The following NECAB1 variants were observed in gnomAD, a reference collection of about 807,000 sequenced individuals.
NECAB1 encodes N-terminal EF-hand calcium binding protein 1.
Under a neutral mutation model 57.5 loss-of-function variants are expected in NECAB1, and 29 were observed. That is an observed-to-expected ratio of 0.50 (90% CI 0.38 to 0.69). NECAB1 has a LOEUF of 0.69. NECAB1 is among the 30% of genes least tolerant of loss of function. The pLI, the probability that NECAB1 is intolerant of heterozygous loss-of-function variation, is 0.00. For synonymous variants in NECAB1, 142 were observed against 147.7 expected (o/e 0.96, Z 0.28); for missense variants, 372 against 413.8 (o/e 0.90, Z 0.88).
intron 5 of NECAB1, among the ~76,000 whole-genome samples, chr8:90,883,463 T>G (rs1319677749): frequency 6.6e-6 from 1 of 152,162 alleles, no homozygotes; most frequent in Non-Finnish European, 1.5e-5. Context: ...CCTGTCTCAG[T>G]AGGAAGATCT....
intron 2 of NECAB1, among the ~76,000 whole-genome samples, chr8:90,806,135 G>C (rs1811842977): frequency 6.6e-6 from 1 of 152,218 alleles, no homozygotes; most frequent in Admixed American, 6.5e-5. Context: ...GATTCCTCTT[G>C]TTGATTTGCA....
At chr8:90,905,738 C>T (rs531690936) in intron 5 of NECAB1, among the ~76,000 whole-genome samples, 11 of 152,188 alleles carry the variant, frequency 7.2e-5, no homozygotes, top group African/African-American at 2.4e-4. Flanking sequence ...CTTAGAACTC[C>T]TTATATGTAA....
At chr8:90,819,054 TTTCA>T (rs1291030879) in intron 2 of NECAB1, among the ~76,000 whole-genome samples, 2 of 151,940 alleles carry the variant, frequency 1.3e-5, no homozygotes, top group Non-Finnish European at 2.9e-5. Flanking sequence ...CCTCAAGTTC[TTTCA>T]TTCTTTCTTC....
At chr8:90,945,356 G>A (rs984997554) in intron 10 of NECAB1, among the ~76,000 whole-genome samples, 9 of 152,102 alleles carry the variant, frequency 5.9e-5, no homozygotes, top group East Asian at 1.9e-4. Flanking sequence ...ATGAGCTACC[G>A]TGCCGGGCCA....
At position 90,791,842 on chromosome 8, in the gene NECAB1, G is replaced by C; in HGVS notation, c.-45G>C. ...GCCGCGCCCTTGCCAGAGCCGGTGC[G>C]TCCGCCTAGCCCCGCTCCGCCTGAG... On this transcript the variant is annotated 5_prime_UTR_variant, in exon 1 of 13. Coordinates refer to ENST00000417640, the MANE Select transcript of NECAB1 (RefSeq NM_022351.5). The C allele has an allele frequency of 1.3e-6, 2 of 1,485,998 alleles. No individual in the cohort carries two copies. Among genetic ancestry groups the C allele is most frequent in the Admixed American group, 3.9e-5 (2 of 50,638 alleles). 92.1% of individuals were successfully genotyped at this position (1,485,998 alleles called of 1,614,324 possible).
At chr8:90,860,065 T>TG (rs1812868586) in intron 3 of NECAB1, among the ~76,000 whole-genome samples, 2 of 152,176 alleles carry the variant, frequency 1.3e-5, no homozygotes, top group Non-Finnish European at 2.9e-5. Flanking sequence ...AATCTGACTT[T>TG]GAAAATTTCA....
chr8:90,809,264 G>C (rs911248290), intron 2 of NECAB1, among the ~76,000 whole-genome samples: 6 of 152,152 alleles, frequency 3.9e-5, no homozygotes, highest in African/African-American at 7.2e-5. Flanking sequence ...AGTTTCAGAG[G>C]CTTCCACAAC....
intron 5 of NECAB1, among the ~76,000 whole-genome samples, chr8:90,899,868 AG>A (rs973688739): frequency 1.3e-5 from 2 of 152,316 alleles, no homozygotes; most frequent in Admixed American, 1.3e-4. Flanking sequence ...GAAACAGAAT[AG>A]TTCTGAAAAT....
At chr8:90,906,891 A>ATATATATATATATATATATATATATG (rs1809682308) in intron 5 of NECAB1, among the ~76,000 whole-genome samples, 2 of 113,410 alleles carry the variant, frequency 1.8e-5, no homozygotes, top group African/African-American at 8.0e-5. Flanking sequence ...ATATATATAT[A>ATATATATATATATATATATATATATG]TATATATATA....
At chr8:90,836,065 T>C (rs1490423204) in intron 3 of NECAB1, among the ~76,000 whole-genome samples, 3 of 152,182 alleles carry the variant, frequency 2.0e-5, no homozygotes, top group African/African-American at 7.2e-5. Flanking sequence ...ATTAAAATAG[T>C]TCTCTACTCC....
intron 9 of NECAB1, 75 bp downstream of exon 9, chr8:90,934,432 T>C: frequency 9.6e-7 from 1 of 1,045,424 alleles, no homozygotes; most frequent in Non-Finnish European, 1.3e-6. Context: ...CAAAAATTAG[T>C]TATCTCAATG....
chr8:90,865,815 T>C (rs993315179), intron 3 of NECAB1, among the ~76,000 whole-genome samples: 19 of 152,168 alleles, frequency 1.2e-4, no homozygotes, highest in Non-Finnish European at 5.9e-5. Flanking sequence ...ATAACATCTG[T>C]TCCTGATATC....
chr8:90,930,942 A>AT (rs1156994002), intron 8 of NECAB1, among the ~76,000 whole-genome samples: 2 of 152,220 alleles, frequency 1.3e-5, no homozygotes, highest in Non-Finnish European at 2.9e-5. Context: ...GTGGTTTTGA[A>AT]TTTTTGGACA....
intron 6 of NECAB1, among the ~76,000 whole-genome samples, chr8:90,919,368 G>C (rs1178786820): frequency 6.6e-6 from 1 of 152,186 alleles, no homozygotes; most frequent in Non-Finnish European, 1.5e-5. Context: ...AGACTACCCT[G>C]CAGGACCAAT....
chr8:90,816,780 C>A (rs1291672114), intron 2 of NECAB1, among the ~76,000 whole-genome samples: 1 of 151,632 alleles, frequency 6.6e-6, no homozygotes, highest in Non-Finnish European at 1.5e-5. Flanking sequence ...AAACTTTATT[C>A]TTCCTCTTCA....
At chr8:90,828,257 C>A (rs1295688826) in intron 3 of NECAB1, among the ~76,000 whole-genome samples, 1 of 151,764 alleles carries the variant, frequency 6.6e-6, no homozygotes, top group Non-Finnish European at 1.5e-5. Flanking sequence ...AATAACTATG[C>A]AAAGATTTCT....
At chr8:90,801,022 A>C (rs905521244) in intron 1 of NECAB1, among the ~76,000 whole-genome samples, 2 of 152,180 alleles carry the variant, frequency 1.3e-5, no homozygotes, top group African/African-American at 4.8e-5. Context: ...ATAAAGTATA[A>C]ATAAAGTAGA....
intron 5 of NECAB1, among the ~76,000 whole-genome samples, chr8:90,911,637 T>C (rs952834939): frequency 2.0e-5 from 3 of 152,156 alleles, no homozygotes; most frequent in African/African-American, 4.8e-5. Flanking sequence ...GTAGCAGATA[T>C]GCAGTAGAAA....
At chr8:90,928,027 G>A (rs2339291) in intron 7 of NECAB1, among the ~76,000 whole-genome samples, 196 bp from the exon 8 acceptor site, 41,990 of 151,688 alleles carry the variant, frequency 0.28, 6,664 homozygotes, top group East Asian at 0.61. Flanking sequence ...ACAGGCCTGT[G>A]GAAGTGAACC....
Sources: gnomAD v4.1 joint callset for allele counts (sites outside exome capture counted in the v4.1 genomes callset) on GRCh38, gnomAD v4.1.1 for gene constraint, MANE v1.5 for transcripts, NCBI Gene and HGNC (gene_info 2026-07-23, HGNC 2026-07-21) for gene names.